MGARP: variants seen among roughly 807,000 people sequenced by gnomAD.
MGARP encodes protein MGARP.
Under a neutral mutation model 11.0 loss-of-function variants are expected in MGARP, and 12 were observed. The observed-to-expected ratio is 1.09, with a 90% confidence interval of 0.70 to 1.77. The LOEUF (loss-of-function observed/expected upper bound fraction) is 1.77. MGARP is among the 40% of genes most tolerant of loss of function. The pLI is 0.00. For missense variants in MGARP, 283 were observed against 297.8 expected, an observed-to-expected ratio of 0.95 and a Z score of 0.36; for synonymous variants, 110 against 115.4, an observed-to-expected ratio of 0.95 and a Z score of 0.30.
chr4:139,266,759 A>T lies in MGARP; in HGVS notation c.563T>A (p.Val188Asp). ...TGTATCTTTATCATTATCGATGGTG[A>T]CAGCTTCATCCAGGGCAGCATTTGT... ...EVTNAALDEA[V>D]TIDNDKDTTK... The change falls in exon 4 of 4, where the codon GTC becomes GAC. Residue 188 changes from valine (V) to aspartate (D), a missense_variant. Val to Asp is a radical substitution (Grantham distance 152, BLOSUM62 -3). Transcript: ENST00000398955. 4 of 1,614,198 alleles carry T rather than the reference A, an allele frequency of 2.5e-6. No individual in the cohort carries two copies. Among genetic ancestry groups the T allele is most frequent in the Non-Finnish European group, 3.4e-6 (4 of 1,180,034 alleles).
chr4:139,266,676 C>A lies in MGARP; in HGVS notation c.646G>T (p.Glu216Ter). Residue 216 changes from glutamate to a stop codon, truncating the protein, a stop_gained, in exon 4 of 4, where the codon GAG becomes TAG. Transcript: ENST00000398955. LOFTEE classifies it low-confidence loss of function (END_TRUNC). ...AELEEENSPA[E>*]SESSAGDDLQ... Reference sequence around the variant, plus strand: ...TCATCTCCAGCAGAGGACTCTGACTCAGCTGGAGAATTTTCTTCTTCTAGT... The same window carrying A: ...TCATCTCCAGCAGAGGACTCTGACTAAGCTGGAGAATTTTCTTCTTCTAGT... 6.2e-7 allele frequency: 1 copy of A among 1,614,136 alleles called. No homozygotes were observed. The highest frequency in any genetic ancestry group is 8.5e-7 in the Non-Finnish European group (1 of 1,180,028).
chr4:139,278,091 G>C (rs1744898743), intron 1 of MGARP, among the ~76,000 whole-genome samples: 1 of 152,084 alleles, frequency 6.6e-6, no homozygotes, highest in Admixed American at 6.6e-5. Context: ...GCTGGGTGTG[G>C]TGGCCCGTGC....
Position 139,275,289 on chromosome 4 carries a change from A to G in MGARP, c.186T>C (p.Tyr62=), listed in dbSNP as rs1744848911. The G allele has an allele frequency of 6.2e-7, 1 of 1,610,840 alleles. No individual in the cohort carries two copies. The highest frequency in any genetic ancestry group is 1.1e-5 in the South Asian group (1 of 90,894). ...VGVTVSAGGY[Y]AYKTVTSDQA... ...GCACTGTGGTTATATAATCACTTAC[A>G]TAATATCCACCAGCACTGACTGTGA... The change falls in exon 2 of 4, where the codon TAT becomes TAC. Residue 62 remains tyrosine, a splice_region_variant and synonymous_variant. Transcript: ENST00000398955.
At position 139,280,064 on chromosome 4, in the gene MGARP, C is replaced by T; in HGVS notation, c.82+13G>A. 1 of 1,612,002 alleles carries T rather than the reference C, an allele frequency of 6.2e-7. No homozygotes were observed. On this transcript the variant is annotated intron_variant, in intron 1 of 3. Transcript: ENST00000398955. ...CGCCCGTCCTCCTCTCCGGGCTAGACCTCCTTACTCACCGTCCTTTCCGAG... is the reference window on the plus strand; with the variant it reads ...CGCCCGTCCTCCTCTCCGGGCTAGATCTCCTTACTCACCGTCCTTTCCGAG...
chr4:139,280,059 C>T lies in MGARP; in HGVS notation c.82+18G>A, dbSNP rs1231048636. 18 of 1,611,554 alleles carry T rather than the reference C, an allele frequency of 1.1e-5. No individual in the cohort carries two copies. Among genetic ancestry groups the T allele is most frequent in the Admixed American group, 6.7e-5 (4 of 59,966 alleles). ...CGAGGCGCCCGTCCTCCTCTCCGGG[C>T]TAGACCTCCTTACTCACCGTCCTTT... On this transcript the variant is annotated intron_variant, in intron 1 of 3. Coordinates refer to ENST00000398955, the MANE Select transcript of MGARP (RefSeq NM_032623.4).
chr4:139,272,950 T>C (rs1744809451), intron 2 of MGARP, among the ~76,000 whole-genome samples: 1 of 152,136 alleles, frequency 6.6e-6, no homozygotes, highest in Non-Finnish European at 1.5e-5. Context: ...CCTCCCAAAG[T>C]ACTGGGTTTA....
chr4:139,267,161 A>G (rs1272455655), intron 3 of MGARP, 120 bp from the exon 4 acceptor site: 3 of 958,074 alleles, frequency 3.1e-6, no homozygotes, highest in African/African-American at 1.6e-5. Flanking sequence ...ACAGTCTTCA[A>G]GGTAGACTCT....
intron 2 of MGARP, among the ~76,000 whole-genome samples, chr4:139,273,103 G>A (rs756946118): frequency 2.2e-4 from 33 of 152,132 alleles, no homozygotes; most frequent in Non-Finnish European, 4.3e-4. Flanking sequence ...ATGGGGTCCC[G>A]CTATGTTGGC....
At position 139,274,750 on chromosome 4, in the gene MGARP, T is replaced by C. The variant is rs570541519; in HGVS notation, c.186+539A>G. 1.5e-4 allele frequency among the ~76,000 whole-genome samples: 23 copies of C among 152,338 alleles called. No homozygotes were observed. In the South Asian group the frequency reaches 3.5e-3, roughly 23 times the overall value. On this transcript the variant is annotated intron_variant, in intron 2 of 3. Coordinates refer to ENST00000398955, the MANE Select transcript of MGARP (RefSeq NM_032623.4). Reference sequence around the variant, plus strand: ...CACCTGCCTCAGCCTCCCAAAGTGCTGGGATTACAGGCGTGAGCCACTGCA... The same window carrying C: ...CACCTGCCTCAGCCTCCCAAAGTGCCGGGATTACAGGCGTGAGCCACTGCA...
chr4:139,267,131 A>T (rs1579045811), intron 3 of MGARP, 90 bp from the exon 4 acceptor site: 1 of 1,185,076 alleles, frequency 8.4e-7, no homozygotes, highest in African/African-American at 1.5e-5. Flanking sequence ...CTAAGACAGA[A>T]CTACATGCAC....
At chr4:139,268,815 C>A in intron 2 of MGARP, 50 bp from the exon 3 acceptor site, 1 of 1,378,068 alleles carries the variant, frequency 7.3e-7, no homozygotes, top group South Asian at 1.2e-5. Flanking sequence ...TAAGATTTGT[C>A]ACGCCACATC....
chr4:139,269,990 G>T (rs890218964), intron 2 of MGARP, among the ~76,000 whole-genome samples: 1 of 152,034 alleles, frequency 6.6e-6, no homozygotes, highest in Non-Finnish European at 1.5e-5. Flanking sequence ...TAAAAATTAT[G>T]CTGTGAAAAT....
intron 3 of MGARP, among the ~76,000 whole-genome samples, chr4:139,268,463 A>G (rs1744729864): frequency 6.6e-6 from 1 of 152,218 alleles, no homozygotes; most frequent in Non-Finnish European, 1.5e-5. Flanking sequence ...TAAAACATTC[A>G]TTTGTCAAAT....
rs1397552576 is a variant in MGARP at position 139,275,347 on chromosome 4, C to A, written c.128G>T (p.Gly43Val). 6.2e-7 allele frequency: 1 copy of A among 1,613,934 alleles called. No individual in the cohort carries two copies. Residue 43 changes from glycine to valine, a missense_variant, in exon 2 of 4, where the codon GGA becomes GTA. Gly to Val is a moderately radical substitution (Grantham distance 109). Coordinates refer to ENST00000398955, the MANE Select transcript of MGARP (RefSeq NM_032623.4). ...AACCAGATAATAAATCATATTTGATCCAGATGATCCAGGGAATCTGTTAGA... is the reference window on the plus strand; with the variant it reads ...AACCAGATAATAAATCATATTTGATACAGATGATCCAGGGAATCTGTTAGA... Reference protein sequence around the residue: ...MSSNRFPGSSGSNMIYYLVVG... With the variant: ...MSSNRFPGSSVSNMIYYLVVG...
In MGARP at chr4:139,266,883, G is replaced by A. The variant is rs762769789; in HGVS notation, c.439C>T (p.Pro147Ser). The part of the protein sequence containing the change: ...SACPGHVEAA[P>S]ETTAVSAETG... ...TCAGCACTGACTGCTGTGGTCTCCGGAGCAGCCTCCACGTGACCTGGACAG... is the reference window on the plus strand; with the variant it reads ...TCAGCACTGACTGCTGTGGTCTCCGAAGCAGCCTCCACGTGACCTGGACAG... Residue 147 changes from proline (P) to serine (S), a missense_variant, in exon 4 of 4, where the codon CCG (proline) becomes TCG (serine). Coordinates refer to ENST00000398955, the MANE Select transcript of MGARP (RefSeq NM_032623.4). The A allele has an allele frequency of 6.2e-7, 1 of 1,614,108 alleles. No homozygotes were observed. Among genetic ancestry groups the A allele is most frequent in the Non-Finnish European group, 8.5e-7 (1 of 1,180,022 alleles).
At chr4:139,276,920 T>C (rs773065765) in intron 1 of MGARP, among the ~76,000 whole-genome samples, 3 of 152,198 alleles carry the variant, frequency 2.0e-5, no homozygotes, top group Non-Finnish European at 4.4e-5. Context: ...AATATATGCA[T>C]ACACATAATG....
chr4:139,266,570 T>C lies in MGARP; in HGVS notation c.*29A>G. Reference sequence around the variant, plus strand: ...GCACTTATCAGACACCCTATGGCATTTGTTGCTGAAATGTCTACCGGCTGG... The same window carrying C: ...GCACTTATCAGACACCCTATGGCATCTGTTGCTGAAATGTCTACCGGCTGG... On this transcript the variant is annotated 3_prime_UTR_variant, in exon 4 of 4. Coordinates refer to ENST00000398955, the MANE Select transcript of MGARP (RefSeq NM_032623.4). 5 of 1,593,000 alleles carry C rather than the reference T, an allele frequency of 3.1e-6. No homozygotes were observed. The highest frequency in any genetic ancestry group is 4.3e-6 in the Non-Finnish European group (5 of 1,168,752).
At chr4:139,268,891 AAGAAG>A in intron 2 of MGARP, 126 bp from the exon 3 acceptor site, 1 of 636,902 alleles carries the variant, frequency 1.6e-6, no homozygotes, top group Admixed American at 3.2e-5. Flanking sequence ...CAGTGTAGCA[AAGAAG>A]AGAAATCAGT....
rs6823412 is a variant in MGARP, at chr4:139,266,831, G to A, written c.491C>T (p.Ala164Val). The change falls in exon 4 of 4, where the codon GCG (alanine) becomes GTG (valine). Residue 164 changes from alanine (A) to valine (V), a missense_variant. Transcript: ENST00000398955. The part of the protein sequence containing the change: ...AETGPEVTDA[A>V]ARETTEVNPE... Reference sequence around the variant, plus strand: ...GTTTACTTCCGTGGTTTCCCTCGCCGCTGCATCTGTGACCTCTGGCCCGGT... The same window carrying A: ...GTTTACTTCCGTGGTTTCCCTCGCCACTGCATCTGTGACCTCTGGCCCGGT... 6.6e-3 allele frequency: 10,723 copies of A among 1,613,588 alleles called. 617 individuals are homozygous for A. The African/African-American group carries it at 0.12, about 18-fold the overall frequency.
Sources: allele counts gnomAD v4.1 joint callset (sites outside exome capture counted in the v4.1 genomes callset), GRCh38; gene constraint gnomAD v4.1.1; transcripts MANE v1.5; gene names NCBI Gene and HGNC (gene_info 2026-07-23, HGNC 2026-07-21).